EML6: variants seen among roughly 807,000 people sequenced by gnomAD.
EML6 encodes the protein echinoderm microtubule-associated protein-like 6.
EML6 carries 154 observed loss-of-function variants against 240.1 expected under a neutral mutation model. The observed-to-expected ratio is 0.64, with a 90% confidence interval of 0.56 to 0.73. EML6 has a LOEUF of 0.73. Ranked by LOEUF, EML6 falls within the 30% of genes least tolerant of loss-of-function variation. The pLI is 0.00. For synonymous variants in EML6, 1,148 were observed against 899.0 expected (o/e 1.28, Z -4.95); for missense variants, 2,964 against 2,474.6 (o/e 1.20, Z -4.20).
intron 2 of EML6, among the ~76,000 whole-genome samples, chr2:54,768,609 A>G (rs2116441): frequency 0.41 from 62,889 of 152,030 alleles, 13,150 homozygotes; most frequent in Middle Eastern, 0.49. Context: ...GACAAGCAAC[A>G]TGGTAGAGAT....
At position 54,928,480 on chromosome 2, in the gene EML6, C is replaced by G; in HGVS notation, c.3843C>G (p.Ser1281Arg). 6.5e-7 allele frequency: 1 copy of G among 1,547,700 alleles called. No individual in the cohort carries two copies. Among genetic ancestry groups the G allele is most frequent in the Non-Finnish European group, 8.7e-7 (1 of 1,144,576 alleles). ...VGTQESKLVD[S>R]EESDTDVEED... ...CCCAGGAGAGCAAGCTGGTGGACAG[C>G]GAGGAGTCAGACACCGACGTGGAAG... The change falls in exon 27 of 42, where the codon AGC becomes AGG. Residue 1281 changes from serine (S) to arginine (R), a missense_variant. Coordinates refer to ENST00000356458, the MANE Select transcript of EML6 (RefSeq NM_001039753.4).
intron 5 of EML6, among the ~76,000 whole-genome samples, chr2:54,821,917 T>A (rs561366409): frequency 6.6e-6 from 1 of 152,074 alleles, no homozygotes; most frequent in African/African-American, 2.4e-5. Context: ...TTTTTTAAAA[T>A]GTAAAAGCAA....
intron 28 of EML6, among the ~76,000 whole-genome samples, chr2:54,929,584 T>A (rs992794446): frequency 8.5e-5 from 13 of 152,190 alleles, no homozygotes; most frequent in Non-Finnish European, 1.8e-4. Context: ...AATATGTAAT[T>A]TATGAGATTC....
At chr2:54,884,070 C>T (rs769478207) in intron 17 of EML6, among the ~76,000 whole-genome samples, 1 of 152,194 alleles carries the variant, frequency 6.6e-6, no homozygotes, top group East Asian at 1.9e-4. Flanking sequence ...TTCTCTAGTT[C>T]CGTTCTATTC....
At chr2:54,796,429 A>G (rs1572910063) in intron 2 of EML6, among the ~76,000 whole-genome samples, 1 of 152,206 alleles carries the variant, frequency 6.6e-6, no homozygotes, top group African/African-American at 2.4e-5. Flanking sequence ...AATCACATTT[A>G]TATAACCTGT....
At chr2:54,940,927 A>G (rs1675396939) in intron 28 of EML6, among the ~76,000 whole-genome samples, 2 of 152,252 alleles carry the variant, frequency 1.3e-5, no homozygotes, top group Non-Finnish European at 2.9e-5. Flanking sequence ...GTACACACCA[A>G]GGTGCTTTGT....
chr2:54,847,739 G>C, intron 9 of EML6, 116 bp downstream of exon 9: 1 of 1,094,132 alleles, frequency 9.1e-7, no homozygotes, highest in Non-Finnish European at 1.3e-6. Context: ...CATTCAAATA[G>C]GAATACTATA....
At chr2:54,897,609 T>G (rs1055516879) in intron 21 of EML6, among the ~76,000 whole-genome samples, 67 of 152,162 alleles carry the variant, frequency 4.4e-4, no homozygotes, top group Non-Finnish European at 2.2e-4. Context: ...GCCCCTGAGC[T>G]ATGGGGTGGC....
At position 54,916,795 on chromosome 2, in the gene EML6, C is replaced by A; in HGVS notation, c.3535C>A (p.Leu1179Met). 6.5e-7 allele frequency: 1 copy of A among 1,542,966 alleles called. No individual in the cohort carries two copies. The highest frequency in any genetic ancestry group is 8.8e-7 in the Non-Finnish European group (1 of 1,140,284). ...KIEWDTWTCV[L>M]GPTCEGIWPA... ...AGAGTGGGACACATGGACCTGTGTC[C>A]TGGGGCCCACCTGTGAGGGAATCTG... is the stretch of plus-strand genomic sequence containing the variant. The change falls in exon 26 of 42, where the codon CTG becomes ATG. Residue 1179 changes from leucine to methionine, a missense_variant. By Grantham distance (15) the Leu-to-Met change is conservative. Coordinates refer to ENST00000356458, the MANE Select transcript of EML6 (RefSeq NM_001039753.4).
chr2:54,745,319 G>A (rs1683864880), intron 2 of EML6, among the ~76,000 whole-genome samples: 1 of 152,220 alleles, frequency 6.6e-6, no homozygotes, highest in Non-Finnish European at 1.5e-5. Context: ...CTTCAGGAAG[G>A]TGGTTGGATG....
intron 2 of EML6, among the ~76,000 whole-genome samples, chr2:54,744,206 G>T (rs1050884777): frequency 6.6e-6 from 1 of 152,144 alleles, no homozygotes; most frequent in Non-Finnish European, 1.5e-5. Context: ...GGCCTTCTGA[G>T]CTAAAGAGAT....
chr2:54,917,051 T>C, intron 26 of EML6, 116 bp downstream of exon 26: 1 of 735,132 alleles, frequency 1.4e-6, no homozygotes, highest in Non-Finnish European at 2.1e-6. Context: ...TATCGGAGTA[T>C]TATTTATGCT....
At chr2:54,879,722 T>G (rs1259919110) in intron 17 of EML6, 82 bp downstream of exon 17, 52 of 866,608 alleles carry the variant, frequency 6.0e-5, no homozygotes, top group Non-Finnish European at 9.3e-5. Flanking sequence ...TCTGGTAAGA[T>G]TTCATCTTCA....
intron 28 of EML6, among the ~76,000 whole-genome samples, chr2:54,948,132 C>T (rs775182091): frequency 2.0e-5 from 3 of 152,154 alleles, no homozygotes; most frequent in African/African-American, 4.8e-5. Context: ...AAGGAAACCC[C>T]ACGTCACCAA....
chr2:54,805,351 C>T (rs562910274), intron 2 of EML6, among the ~76,000 whole-genome samples: 103 of 152,206 alleles, frequency 6.8e-4, no homozygotes, highest in South Asian at 2.3e-3. Context: ...CATAATGGTA[C>T]GCATATGTTT....
chr2:54,738,206 G>A (rs1343582578), intron 2 of EML6, among the ~76,000 whole-genome samples: 2 of 152,088 alleles, frequency 1.3e-5, no homozygotes, highest in Admixed American at 1.3e-4. Context: ...TCTGCCTACA[G>A]TTCTCATAAT....
At chr2:54,859,333 C>T (rs1312403838) in intron 11 of EML6, among the ~76,000 whole-genome samples, 1 of 152,036 alleles carries the variant, frequency 6.6e-6, no homozygotes, top group Non-Finnish European at 1.5e-5. Flanking sequence ...AATTTTACGA[C>T]CTATTTTTAG....
At chr2:54,746,510 A>C (rs971558814) in intron 2 of EML6, among the ~76,000 whole-genome samples, 6 of 152,230 alleles carry the variant, frequency 3.9e-5, no homozygotes, top group Non-Finnish European at 8.8e-5. Context: ...GGCTTTGTCA[A>C]AAATAAAAAT....
chr2:54,856,255 T>C (rs1425958082), intron 11 of EML6, among the ~76,000 whole-genome samples: 1 of 152,204 alleles, frequency 6.6e-6, no homozygotes, highest in Non-Finnish European at 1.5e-5. Context: ...TGTTTGACCA[T>C]CGCCACACAG....
Sources: allele counts gnomAD v4.1 joint callset (sites outside exome capture counted in the v4.1 genomes callset), GRCh38; gene constraint gnomAD v4.1.1; transcripts MANE v1.5; gene names NCBI Gene and HGNC (gene_info 2026-07-23, HGNC 2026-07-21).